The following ARHGAP6 variants were observed in gnomAD, a reference collection of about 807,000 sequenced individuals.
ARHGAP6 encodes rho GTPase-activating protein 6.
A neutral mutation model predicts 55.7 loss-of-function variants in ARHGAP6; 16 were observed. The observed-to-expected ratio is 0.29, with a 90% CI of 0.19 to 0.44. The LOEUF is 0.44. ARHGAP6 is among the 20% of genes least tolerant of loss of function. ARHGAP6 has a pLI of 1.00. For synonymous variants in ARHGAP6, 382 were observed against 360.9 expected (o/e 1.06, Z -0.66); for missense variants, 698 against 808.9 (o/e 0.86, Z 1.66).
chrX:11,508,128 A>G (rs1374544436), intron 1 of ARHGAP6, among the ~76,000 whole-genome samples: 1 of 111,654 alleles, frequency 9.0e-6, no homozygotes, highest in Non-Finnish European at 1.9e-5. Context: ...TAAATAAGGT[A>G]CAGGACATCC....
chrX:11,348,830 T>G (rs1034717264), intron 1 of ARHGAP6, among the ~76,000 whole-genome samples: 1 of 110,297 alleles, frequency 9.1e-6, no homozygotes, highest in Non-Finnish European at 1.9e-5. Flanking sequence ...AAGTTTTTTT[T>G]AAGAGACAGG....
rs2048215224 is a variant in ARHGAP6 at position 11,304,694 on chromosome X, A to C, written c.589-49987T>G. 2.8e-5 allele frequency among the ~76,000 whole-genome samples: 3 copies of C among 107,003 alleles called. No individual in the cohort carries two copies. The South Asian group carries it at 1.3e-3, about 45-fold the overall frequency. 92.9% of individuals were successfully genotyped at this position (107,003 alleles called of 115,157 possible). On this transcript the variant is annotated intron_variant, in intron 1 of 12. Transcript: ENST00000337414. ...GAGCCTTTGTGTACAGTGACTCCCA[A>C]CTCAGACCCTTCCCTTGTCACTCTG...
chrX:11,427,797 C>T, intron 1 of ARHGAP6: 2 of 714,499 alleles, frequency 2.8e-6, no homozygotes, highest in Non-Finnish European at 3.3e-6. Flanking sequence ...AAGGCAGCGG[C>T]GCGAAGGGGG....
At chrX:11,311,122 C>A (rs1443732565) in intron 1 of ARHGAP6, among the ~76,000 whole-genome samples, 2 of 110,993 alleles carry the variant, frequency 1.8e-5, no homozygotes, top group African/African-American at 6.6e-5. Context: ...CCTCCAGGGG[C>A]CATTGTGCAT....
chrX:11,517,039 T>C (rs2050848921), intron 1 of ARHGAP6, among the ~76,000 whole-genome samples: 1 of 111,666 alleles, frequency 9.0e-6, no homozygotes. Flanking sequence ...ATAATAACAA[T>C]CACAAAAATA....
chrX:11,426,959 G>A (rs1048211423), intron 1 of ARHGAP6, among the ~76,000 whole-genome samples: 1 of 110,136 alleles, frequency 9.1e-6, no homozygotes, highest in Non-Finnish European at 1.9e-5. Context: ...AAGGGAGGGG[G>A]AAGGTACGAC....
intron 1 of ARHGAP6, among the ~76,000 whole-genome samples, chrX:11,626,482 C>T (rs1214762862): frequency 1.8e-5 from 2 of 111,702 alleles, no homozygotes; most frequent in Non-Finnish European, 3.8e-5. Context: ...AATATGAGAA[C>T]TACCTGACAA....
At chrX:11,609,500 C>G (rs1353991499) in intron 1 of ARHGAP6, among the ~76,000 whole-genome samples, 1 of 111,313 alleles carries the variant, frequency 9.0e-6, no homozygotes, top group Non-Finnish European at 1.9e-5. Context: ...TTCAGGTTGC[C>G]GCTATAAACA....
At chrX:11,351,003 T>A (rs1465900414) in intron 1 of ARHGAP6, among the ~76,000 whole-genome samples, 1 of 109,500 alleles carries the variant, frequency 9.1e-6, no homozygotes, top group African/African-American at 3.3e-5. Flanking sequence ...TTGAAGTATG[T>A]CTTGGGGTAA....
At position 11,166,666 on chromosome X, in the gene ARHGAP6, T is replaced by G. The variant is rs188159835; in HGVS notation, c.1809+2839A>C. ...AAGATAATCTAAAATGTGATGAGAT[T>G]AATTTTCTCCTGTGCTTTATAAAAA... On this transcript the variant is annotated intron_variant, in intron 9 of 12. Transcript: ENST00000337414. Among the ~76,000 whole-genome samples, 60 of 112,205 alleles carry G rather than the reference T, an allele frequency of 5.3e-4. No homozygotes were observed. The East Asian group carries it at 0.016, about 30-fold the overall frequency.
intron 1 of ARHGAP6, among the ~76,000 whole-genome samples, chrX:11,492,753 G>A (rs998901442): frequency 1.8e-5 from 2 of 112,040 alleles, no homozygotes; most frequent in South Asian, 3.7e-4. Context: ...TGATTAGGTC[G>A]CTATCCACCA....
chrX:11,655,477 C>T (rs189990697), intron 1 of ARHGAP6, among the ~76,000 whole-genome samples: 5 of 111,922 alleles, frequency 4.5e-5, no homozygotes, highest in Admixed American at 1.9e-4. Flanking sequence ...AAAGCTGCTG[C>T]GTCATGTTAC....
At chrX:11,349,865 G>C (rs755987453) in intron 1 of ARHGAP6, among the ~76,000 whole-genome samples, 22 of 112,007 alleles carry the variant, frequency 2.0e-4, no homozygotes, top group African/African-American at 6.8e-4. Flanking sequence ...AACACCCTGA[G>C]GCAGAAGCCA....
chrX:11,172,486 C>T (rs757712076), intron 8 of ARHGAP6, among the ~76,000 whole-genome samples: 2 of 107,796 alleles, frequency 1.9e-5, no homozygotes, highest in East Asian at 5.7e-4. Flanking sequence ...CCTGTAAAGT[C>T]ATATTAGGGT....
At chrX:11,300,667 A>G in intron 1 of ARHGAP6, 2 of 1,109,973 alleles carry the variant, frequency 1.8e-6, no homozygotes, top group Non-Finnish European at 2.5e-6. Flanking sequence ...GGAGTGACAC[A>G]AGAACACAAT....
At chrX:11,487,110 G>A (rs1041689139) in intron 1 of ARHGAP6, among the ~76,000 whole-genome samples, 35 of 112,217 alleles carry the variant, frequency 3.1e-4, no homozygotes, top group African/African-American at 1.1e-3. Flanking sequence ...AAGCATTGGT[G>A]TGAAGTCATG....
intron 12 of ARHGAP6, among the ~76,000 whole-genome samples, chrX:11,140,771 C>A (rs2045610492): frequency 8.9e-6 from 1 of 112,205 alleles, no homozygotes; most frequent in Non-Finnish European, 1.9e-5. Flanking sequence ...CTAAAGGATA[C>A]AACTTTCTTT....
chrX:11,302,277 GTAC>G lies in ARHGAP6; in HGVS notation c.589-47573_589-47571del, dbSNP rs1345097549. 3.6e-5 allele frequency among the ~76,000 whole-genome samples: 4 copies of G among 112,025 alleles called. No homozygotes were observed. In the East Asian group the frequency reaches 1.1e-3, roughly 31 times the overall value. ...GTTTTATCAGACAGCATTGCTCTAT[GTAC>G]TACTTCTTGAAGTTGAAAAATAATT... On this transcript the variant is annotated intron_variant, in intron 1 of 12. Coordinates refer to ENST00000337414, the MANE Select transcript of ARHGAP6 (RefSeq NM_013427.3).
intron 1 of ARHGAP6, among the ~76,000 whole-genome samples, chrX:11,386,569 C>T (rs1256303590): frequency 2.7e-5 from 3 of 111,444 alleles, no homozygotes; most frequent in Non-Finnish European, 5.6e-5. Flanking sequence ...GCCCAACAGA[C>T]ATGAGGTGTC....
Sources: allele counts gnomAD v4.1 joint callset (sites outside exome capture counted in the v4.1 genomes callset), GRCh38; gene constraint gnomAD v4.1.1; transcripts MANE v1.5; gene names NCBI Gene and HGNC (gene_info 2026-07-23, HGNC 2026-07-21).